The following UNC80 variants were observed in gnomAD, a reference collection of about 807,000 sequenced individuals.
UNC80 encodes the protein unc-80 subunit of NALCN channel complex, also known as protein unc-80 homolog.
In UNC80, 164 loss-of-function variants were observed where a neutral mutation model predicts 384.6. The ratio of observed to expected loss-of-function variants is 0.43; its 90% CI spans 0.38 to 0.49. The LOEUF is 0.49. Ranked by LOEUF, UNC80 falls within the 20% of genes least tolerant of loss-of-function variation. The probability of loss-of-function intolerance (pLI) is 0.00; values close to 1 mark genes in which losing one functional copy is unlikely to be tolerated. For missense variants in UNC80, 3,330 were observed against 4,143.0 expected (o/e 0.80, Z 5.39); for synonymous variants, 1,486 against 1,527.8 (o/e 0.97, Z 0.64).
chr2:209,863,263 A>C (rs2083471994), intron 22 of UNC80, among the ~76,000 whole-genome samples: 1 of 152,026 alleles, frequency 6.6e-6, no homozygotes, highest in South Asian at 2.1e-4. Context: ...GCTGCCCTTG[A>C]CAGTTCTTCC....
At chr2:209,945,248 T>A (rs2091856672) in intron 46 of UNC80, 59 bp downstream of exon 46, 1 of 1,508,144 alleles carries the variant, frequency 6.6e-7, no homozygotes. Flanking sequence ...AATATAAATA[T>A]ATGTATTATA....
Position 209,820,553 on chromosome 2 carries a change from T to A in UNC80, c.2205T>A (p.Ser735Arg). Residue 735 changes from serine (S) to arginine (R), a missense_variant, in exon 13 of 65, where the codon AGT (serine) becomes AGA (arginine). This residue lies in a region of UNC80 where 937 missense variants were observed against 1,026.8 expected (regional missense o/e 0.91). Coordinates refer to ENST00000673920, the MANE Select transcript of UNC80 (RefSeq NM_001371986.1). ...GTGGATTCGGAGGCCCTGCTGTTAG[T>A]GGAGCTGGAGATGGTGGAGGAGAAG... ...STCGFGGPAVSGAGDGGGEEG... is the reference protein window; with the variant it reads ...STCGFGGPAVRGAGDGGGEEG... 1 of 1,550,862 alleles carries A rather than the reference T, an allele frequency of 6.4e-7. No homozygotes were observed. Among genetic ancestry groups the A allele is most frequent in the Non-Finnish European group, 8.7e-7 (1 of 1,146,826 alleles).
At chr2:209,917,447 ACT>A (rs1235303099) in intron 31 of UNC80, among the ~76,000 whole-genome samples, 4 of 152,128 alleles carry the variant, frequency 2.6e-5, no homozygotes, top group African/African-American at 9.7e-5. Context: ...CTAAGAGATG[ACT>A]CTGGCTATCT....
rs2092958246 is a variant in UNC80, at chr2:209,974,417, G to A, written c.8587+1147G>A. ...ACATGAAGTTTAGGATTGCACAGAG[G>A]ATGATGGAGGAAAGGGGCTCACCAT... On this transcript the variant is annotated intron_variant, in intron 56 of 64. Coordinates refer to ENST00000673920, the MANE Select transcript of UNC80 (RefSeq NM_001371986.1). Among the ~76,000 whole-genome samples the A allele has an allele frequency of 2.0e-5, 3 of 152,176 alleles. No homozygotes were observed. In the South Asian group the frequency reaches 6.2e-4, roughly 32 times the overall value.
At chr2:209,946,402 A>C (rs1041847720) in intron 47 of UNC80, among the ~76,000 whole-genome samples, 2 of 151,862 alleles carry the variant, frequency 1.3e-5, no homozygotes, top group African/African-American at 4.8e-5. Context: ...AAAAAAGAAA[A>C]GGAAAGAAGA....
intron 36 of UNC80, among the ~76,000 whole-genome samples, 156 bp downstream of exon 36, chr2:209,927,142 A>G (rs2090498000): frequency 6.6e-6 from 1 of 152,226 alleles, no homozygotes; most frequent in African/African-American, 2.4e-5. Flanking sequence ...CTGCGCTAAC[A>G]GTATCACTCT....
chr2:209,794,716 T>A (rs1056015171), intron 7 of UNC80: 25 of 443,336 alleles, frequency 5.6e-5, no homozygotes, highest in Non-Finnish European at 1.1e-4. Flanking sequence ...AGTGAGTAAA[T>A]CTCATGAGAT....
At chr2:209,937,293 T>C (rs193213053) in intron 41 of UNC80, among the ~76,000 whole-genome samples, 66 of 152,350 alleles carry the variant, frequency 4.3e-4, no homozygotes, top group Admixed American at 1.7e-3. Flanking sequence ...TTTGCATCTC[T>C]TTTCTACCAT....
Position 209,976,047 on chromosome 2 carries a change from G to T in UNC80, c.8588-72G>T, listed in dbSNP as rs2093005022. The T allele has an allele frequency of 2.1e-6, 3 of 1,454,202 alleles. No homozygotes were observed. The South Asian group carries it at 4.2e-5, about 20-fold the overall frequency. The allele number at this position is 1,454,202 out of a possible 1,614,324, so 90.1% of individuals were successfully genotyped here. On this transcript the variant is annotated intron_variant, in intron 56 of 64. Transcript: ENST00000673920. This position sits in a 1 kb window ranked among gnomAD's most constrained non-coding sequence, Gnocchi z 4.3. ...GAAAATTTCTAAAGGTGCATAAAGG[G>T]CTCTGGATGTAGGTTGGGTTCCTCG...
rs2081586345 is a variant in UNC80, at chr2:209,839,516, A to G, written c.3250+86A>G. Reference sequence around the variant, plus strand: ...ACTCAGTGATGCATAGTAGGGCCGAAAAAGAAGACCTTCAAGTCATAAGAC... The same window carrying G: ...ACTCAGTGATGCATAGTAGGGCCGAGAAAGAAGACCTTCAAGTCATAAGAC... On this transcript the variant is annotated intron_variant, in intron 19 of 64. Transcript: ENST00000673920. The surrounding 1 kb of genome is among the most constrained non-coding windows in gnomAD (Gnocchi z 4.1). 1 of 1,367,870 alleles carries G rather than the reference A, an allele frequency of 7.3e-7. No individual in the cohort carries two copies. Among genetic ancestry groups the G allele is most frequent in the Middle Eastern group, 2.0e-4 (1 of 5,026 alleles). The allele number at this position is 1,367,870 out of a possible 1,614,324, so 84.7% of individuals were successfully genotyped here. A position where few individuals can be genotyped will look rare whatever the true frequency, so the allele number is the denominator to read the frequency against.
In UNC80 at chr2:209,772,093, C is replaced by T; in HGVS notation, c.21C>T (p.Ser7=). 6.5e-7 allele frequency: 1 copy of T among 1,549,478 alleles called. No homozygotes were observed. Among genetic ancestry groups the T allele is most frequent in the Non-Finnish European group, 8.7e-7 (1 of 1,146,350 alleles). Residue 7 remains serine (S), a synonymous_variant, in exon 1 of 65, where the codon TCC becomes TCT. Coordinates refer to ENST00000673920, the MANE Select transcript of UNC80 (RefSeq NM_001371986.1). The part of the protein sequence containing the change: MVKRKS[S]EGQEQDGGRG... ...CCATTATGGTGAAGAGGAAGAGCTC[C>T]GAGGGCCAGGAGCAGGACGGCGGCC...
intron 19 of UNC80, among the ~76,000 whole-genome samples, 160 bp from the exon 20 acceptor site, chr2:209,840,382 G>C (rs1290314254): frequency 6.6e-6 from 1 of 152,182 alleles, no homozygotes; most frequent in African/African-American, 2.4e-5. Context: ...GTCTAACACT[G>C]AACATTTTTA....
At position 209,819,157 on chromosome 2, in the gene UNC80, C is replaced by G. The variant is rs2153827732; in HGVS notation, c.1858C>G (p.Arg620Gly). 1 of 1,552,176 alleles carries G rather than the reference C, an allele frequency of 6.4e-7. No homozygotes were observed. Among genetic ancestry groups the G allele is most frequent in the South Asian group, 1.2e-5 (1 of 84,060 alleles). The change falls in exon 12 of 65, where the codon CGA (arginine) becomes GGA (glycine). Residue 620 changes from arginine to glycine, a missense_variant. Coordinates refer to ENST00000673920, the MANE Select transcript of UNC80 (RefSeq NM_001371986.1). The part of the protein sequence containing the change: ...HEPLACANLP[R>G]SLTDSCINYS... ...ACCTCTGGCATGTGCTAACCTACCTCGAAGCCTCACAGACTCCTGCATAAA... is the reference window on the plus strand; with the variant it reads ...ACCTCTGGCATGTGCTAACCTACCTGGAAGCCTCACAGACTCCTGCATAAA...
intron 22 of UNC80, among the ~76,000 whole-genome samples, chr2:209,869,764 A>G (rs1395567601): frequency 6.6e-6 from 1 of 152,234 alleles, no homozygotes; most frequent in East Asian, 1.9e-4. Flanking sequence ...ATGTTTTACC[A>G]TATAGTTAAT....
intron 10 of UNC80, 119 bp downstream of exon 10, chr2:209,817,244 C>T: frequency 1.1e-6 from 1 of 902,056 alleles, no homozygotes; most frequent in East Asian, 2.7e-5. Context: ...ATTTGGGGCT[C>T]AAATTCAGGT....
chr2:209,832,897 C>T (rs1260568941), intron 16 of UNC80, among the ~76,000 whole-genome samples: 2 of 152,162 alleles, frequency 1.3e-5, no homozygotes, highest in Non-Finnish European at 2.9e-5. Flanking sequence ...GTAAAGACCC[C>T]CAAGTCTTAG....
intron 7 of UNC80, among the ~76,000 whole-genome samples, chr2:209,812,926 T>A (rs371834456): frequency 8.5e-5 from 13 of 152,326 alleles, no homozygotes; most frequent in African/African-American, 2.9e-4. Flanking sequence ...TTGAGATTTT[T>A]AAAAAATTAG....
intron 31 of UNC80, among the ~76,000 whole-genome samples, chr2:209,917,354 C>T (rs950216977): frequency 6.6e-6 from 1 of 152,100 alleles, no homozygotes; most frequent in African/African-American, 2.4e-5. Context: ...TCTAATAGAG[C>T]CTATGATGTG....
At chr2:209,971,419 TC>T (rs1258172586) in intron 54 of UNC80, among the ~76,000 whole-genome samples, 2 of 142,016 alleles carry the variant, frequency 1.4e-5, no homozygotes, top group Non-Finnish European at 3.0e-5. Context: ...AAGAAAGTTC[TC>T]CCCCTTTATT....
Sources: gnomAD v4.1 joint callset for allele counts (sites outside exome capture counted in the v4.1 genomes callset) on GRCh38, gnomAD v4.1.1 for gene constraint, gnomAD v4.1.1 regional missense constraint, Gnocchi (gnomAD v3.1) non-coding constraint, MANE v1.5 for transcripts, NCBI Gene and HGNC (gene_info 2026-07-23, HGNC 2026-07-21) for gene names.